PIK3R6: variants seen among roughly 807,000 people sequenced by gnomAD.
PIK3R6 encodes the protein phosphoinositide-3-kinase regulatory subunit 6.
Under a neutral mutation model 84.9 loss-of-function variants are expected in PIK3R6, and 91 were observed. The observed-to-expected ratio is 1.07, with a 90% confidence interval of 0.90 to 1.28. PIK3R6 has a LOEUF of 1.28. PIK3R6 is among the 50% of genes most tolerant of loss of function. PIK3R6 has a pLI of 0.00. For missense variants in PIK3R6, 996 were observed against 985.1 expected, an observed-to-expected ratio of 1.01 and a Z score of -0.15; for synonymous variants, 416 against 411.4, an observed-to-expected ratio of 1.01 and a Z score of -0.13.
At chr17:8,828,412 A>C (rs1380297018) in intron 11 of PIK3R6, among the ~76,000 whole-genome samples, 155 bp downstream of exon 11, 1 of 152,100 alleles carries the variant, frequency 6.6e-6, no homozygotes, top group Non-Finnish European at 1.5e-5. Context: ...GTGCTCTGTG[A>C]CGGCTGCGGG....
chr17:8,824,888 C>T (rs575051954), intron 13 of PIK3R6, among the ~76,000 whole-genome samples: 7 of 152,232 alleles, frequency 4.6e-5, no homozygotes, highest in Admixed American at 1.3e-4. Context: ...AGAAGACACC[C>T]TCATCAGTCA....
rs1180563353 is a variant in PIK3R6, at chr17:8,836,878, A to G, written c.304T>C (p.Cys102Arg). The G allele has an allele frequency of 3.2e-6, 5 of 1,563,028 alleles. No homozygotes were observed. Among genetic ancestry groups the G allele is most frequent in the Non-Finnish European group, 4.3e-6 (5 of 1,153,408 alleles). ...EELYQRIYAFCTRLLTLPTPY... is the reference protein window; with the variant it reads ...EELYQRIYAFRTRLLTLPTPY... Reference sequence around the variant, plus strand: ...GTGGGCAGGGTCAGTAACCTTGTGCAAAAGGCATAGATTCTCTGGTAGAGC... The same window carrying G: ...GTGGGCAGGGTCAGTAACCTTGTGCGAAAGGCATAGATTCTCTGGTAGAGC... The change falls in exon 6 of 20, where the codon TGC becomes CGC. Residue 102 changes from cysteine to arginine, a missense_variant. Transcript: ENST00000619866.
chr17:8,849,755 A>AG, intron 2 of PIK3R6, 27 bp downstream of exon 2: 1 of 1,609,526 alleles, frequency 6.2e-7, no homozygotes, highest in Non-Finnish European at 8.5e-7. Flanking sequence ...CAGGCTCACT[A>AG]GACCCCTTTC....
chr17:8,851,282 G>T (rs188245057), intron 1 of PIK3R6, among the ~76,000 whole-genome samples: 1 of 152,082 alleles, frequency 6.6e-6, no homozygotes, highest in Non-Finnish European at 1.5e-5. Flanking sequence ...CAGATCACGA[G>T]GTCAGGAGAT....
Position 8,836,178 on chromosome 17 carries a change from A to G in PIK3R6, c.461+369T>C, listed in dbSNP as rs370565915. 4.0e-4 allele frequency among the ~76,000 whole-genome samples: 61 copies of G among 152,288 alleles called. 1 individual carries two copies. The highest frequency in any genetic ancestry group is 3.4e-3 in the Middle Eastern group (1 of 294). On this transcript the variant is annotated intron_variant, in intron 7 of 19. Transcript: ENST00000619866. ...GCGCCTGAGCCCCTCCGCTATGGCT[A>G]TTCTGGAGTCTCCTCTGGCTGCCTG... is the stretch of plus-strand genomic sequence containing the variant.
Position 8,837,797 on chromosome 17 carries a change from G to C in PIK3R6, c.258+6C>G. On this transcript the variant is annotated splice_donor_region_variant and intron_variant, in intron 5 of 19. Transcript: ENST00000619866. The stretch of plus-strand genomic sequence containing the variant: ...ACTACCACCTCGACCTCAGTCCCCA[G>C]CTCACCTTGGTGAGCACGTACATTA... 6.2e-7 allele frequency: 1 copy of C among 1,612,502 alleles called. No homozygotes were observed. The highest frequency in any genetic ancestry group is 8.5e-7 in the Non-Finnish European group (1 of 1,178,706).
At chr17:8,816,382 T>C (rs1351427991) in intron 18 of PIK3R6, among the ~76,000 whole-genome samples, 3 of 152,142 alleles carry the variant, frequency 2.0e-5, no homozygotes, top group Admixed American at 6.5e-5. Flanking sequence ...GTTTCTTTCT[T>C]AGTAGTATGT....
At chr17:8,812,251 T>A (rs752250619) in intron 18 of PIK3R6, among the ~76,000 whole-genome samples, 13 of 152,218 alleles carry the variant, frequency 8.5e-5, no homozygotes, top group Admixed American at 1.3e-4. Context: ...GAATTCAAGA[T>A]GAGATTTGGG....
Position 8,839,832 on chromosome 17 carries a change from G to C in PIK3R6, c.14-135C>G, listed in dbSNP as rs1038746029. ...GCCCGAAGTAATCGACTTAGAGCTGGCAGCCAGCATGCCAGCCAGGGCTGG... is the reference window on the plus strand; with the variant it reads ...GCCCGAAGTAATCGACTTAGAGCTGCCAGCCAGCATGCCAGCCAGGGCTGG... On this transcript the variant is annotated intron_variant, in intron 2 of 19. Transcript: ENST00000619866. The surrounding 1 kb of genome is among the most constrained non-coding windows in gnomAD (Gnocchi z 4.2). 4.5e-6 allele frequency: 3 copies of C among 661,024 alleles called. No individual in the cohort carries two copies. In the African/African-American group the frequency reaches 5.7e-5, roughly 12 times the overall value. 40.9% of individuals were successfully genotyped at this position (661,024 alleles called of 1,614,324 possible).
intron 4 of PIK3R6, 129 bp downstream of exon 4, chr17:8,838,435 T>C (rs2088557111): frequency 4.3e-6 from 3 of 698,100 alleles, no homozygotes; most frequent in African/African-American, 1.8e-5. Flanking sequence ...AGGAGGGAGA[T>C]GCATATGGTA....
chr17:8,858,469 G>A (rs1038205515), intron 1 of PIK3R6, among the ~76,000 whole-genome samples: 2 of 151,840 alleles, frequency 1.3e-5, no homozygotes, highest in Non-Finnish European at 2.9e-5. Flanking sequence ...GGCACCCGCC[G>A]CCACCCCTGG....
intron 10 of PIK3R6, 99 bp downstream of exon 10, chr17:8,829,607 C>T (rs925172986): frequency 2.3e-5 from 28 of 1,240,130 alleles, no homozygotes; most frequent in African/African-American, 1.4e-4. Flanking sequence ...TGCATACACA[C>T]ACTGACACAC....
chr17:8,830,875 G>A (rs558716674), intron 9 of PIK3R6, among the ~76,000 whole-genome samples: 47 of 152,158 alleles, frequency 3.1e-4, no homozygotes, highest in Non-Finnish European at 5.7e-4. Context: ...CGGGCACGGT[G>A]GCTCATGCCT....
Position 8,827,282 on chromosome 17 carries a change from A to G in PIK3R6, c.1405T>C (p.Ser469Pro). ...PVLAPEKPAA[S>P]RQPELGELAT... ...AGCTCTCCCAGCTCCGGCTGCCTGG[A>G]TGCTGCAGGCTTCTGGGGGAAAGGG... The change falls in exon 13 of 20, where the codon TCC becomes CCC. Residue 469 changes from serine to proline, a missense_variant. Ser to Pro is a moderately conservative substitution (Grantham distance 74). Transcript: ENST00000619866. 6.4e-7 allele frequency: 1 copy of G among 1,557,002 alleles called. No homozygotes were observed. Among genetic ancestry groups the G allele is most frequent in the Non-Finnish European group, 8.7e-7 (1 of 1,150,478 alleles).
intron 8 of PIK3R6, among the ~76,000 whole-genome samples, chr17:8,833,338 C>T (rs562873161): frequency 8.5e-5 from 13 of 152,192 alleles, no homozygotes; most frequent in Non-Finnish European, 1.9e-4. Context: ...TTCCTGAAAG[C>T]GTCACCCAGC....
chr17:8,860,326 C>T (rs550257244), intron 1 of PIK3R6, among the ~76,000 whole-genome samples: 11 of 152,190 alleles, frequency 7.2e-5, no homozygotes, highest in African/African-American at 1.4e-4. Flanking sequence ...CATAGAAGCT[C>T]GAACCCTATT....
intron 6 of PIK3R6, 30 bp from the exon 7 acceptor site, chr17:8,836,646 C>T: frequency 6.2e-7 from 1 of 1,613,800 alleles, no homozygotes; most frequent in Non-Finnish European, 8.5e-7. Context: ...GGCCAAACAG[C>T]CCCCAAGTCT....
At chr17:8,850,799 A>G (rs1483897163) in intron 1 of PIK3R6, among the ~76,000 whole-genome samples, 2 of 152,238 alleles carry the variant, frequency 1.3e-5, no homozygotes, top group East Asian at 3.8e-4. Flanking sequence ...TCATATATAT[A>G]TTTCTTTATA....
At chr17:8,818,803 T>TGCA (rs2087625361) in intron 18 of PIK3R6, among the ~76,000 whole-genome samples, 1 of 152,220 alleles carries the variant, frequency 6.6e-6, no homozygotes, top group Admixed American at 6.5e-5. Flanking sequence ...AGGTGCATTT[T>TGCA]GCAGTCATCT....
Sources: allele counts gnomAD v4.1 joint callset (sites outside exome capture counted in the v4.1 genomes callset), GRCh38; gene constraint gnomAD v4.1.1; non-coding constraint Gnocchi (gnomAD v3.1); transcripts MANE v1.5; gene names NCBI Gene and HGNC (gene_info 2026-07-23, HGNC 2026-07-21).